HSD17B3: variants seen among roughly 807,000 people sequenced by gnomAD.
HSD17B3 encodes hydroxysteroid 17-beta dehydrogenase 3.
HSD17B3 carries 29 observed loss-of-function variants against 41.1 expected under a neutral mutation model. The ratio of observed to expected loss-of-function variants is 0.71; its 90% CI spans 0.53 to 0.96. The LOEUF is 0.96. Ranked by LOEUF, HSD17B3 falls within the 40% of genes least tolerant of loss-of-function variation. HSD17B3 has a pLI of 0.00. For missense variants in HSD17B3, 323 were observed against 374.6 expected, an observed-to-expected ratio of 0.86 and a Z score of 1.14; for synonymous variants, 126 against 145.6, an observed-to-expected ratio of 0.87 and a Z score of 0.97.
chr9:96,243,576 A>G (rs146701722), intron 9 of HSD17B3, among the ~76,000 whole-genome samples: 103 of 152,332 alleles, frequency 6.8e-4, no homozygotes, highest in Middle Eastern at 6.8e-3. Context: ...TTCTAATAGT[A>G]TATCGTAAAA....
At chr9:96,298,933 C>T (rs1299179361) in intron 1 of HSD17B3, among the ~76,000 whole-genome samples, 2 of 151,982 alleles carry the variant, frequency 1.3e-5, no homozygotes, top group African/African-American at 4.8e-5. Context: ...TTCTCACCCC[C>T]ACCCCACAGC....
At chr9:96,259,795 T>C (rs1825797759) in intron 2 of HSD17B3, among the ~76,000 whole-genome samples, 1 of 152,212 alleles carries the variant, frequency 6.6e-6, no homozygotes, top group South Asian at 2.1e-4. Flanking sequence ...TATTTTTCTA[T>C]ATATTCAATT....
At chr9:96,292,004 C>A (rs1827179120) in intron 2 of HSD17B3, among the ~76,000 whole-genome samples, 1 of 151,398 alleles carries the variant, frequency 6.6e-6, no homozygotes, top group African/African-American at 2.4e-5. Context: ...ACACACAAAA[C>A]AAATGGCAAA....
chr9:96,258,924 C>A (rs1035824636), intron 2 of HSD17B3, among the ~76,000 whole-genome samples: 9 of 152,150 alleles, frequency 5.9e-5, no homozygotes, highest in African/African-American at 2.2e-4. Context: ...CTGTTTCTGT[C>A]TTATGTAGCA....
intron 10 of HSD17B3, among the ~76,000 whole-genome samples, chr9:96,240,425 T>C (rs1182050776): frequency 2.0e-5 from 3 of 152,164 alleles, no homozygotes; most frequent in East Asian, 3.8e-4. Flanking sequence ...TAGCTAAACA[T>C]TGACTGGAAT....
At chr9:96,290,746 A>T (rs1827125280) in intron 2 of HSD17B3, among the ~76,000 whole-genome samples, 4 of 151,860 alleles carry the variant, frequency 2.6e-5, no homozygotes, top group Admixed American at 2.6e-4. Context: ...AGGCAGGAGA[A>T]TCACTTGAAA....
intron 2 of HSD17B3, among the ~76,000 whole-genome samples, chr9:96,257,744 T>C (rs941964539): frequency 6.6e-6 from 1 of 152,224 alleles, no homozygotes; most frequent in Non-Finnish European, 1.5e-5. Context: ...CCCTTCTACA[T>C]AGCTCTTAGT....
At chr9:96,295,398 A>T (rs1827322017) in intron 2 of HSD17B3, among the ~76,000 whole-genome samples, 1 of 150,548 alleles carries the variant, frequency 6.6e-6, no homozygotes, top group South Asian at 2.1e-4. Flanking sequence ...GCAATGGCAC[A>T]ATTTCAGCTC....
At chr9:96,255,835 C>G (rs1039370694) in intron 2 of HSD17B3, among the ~76,000 whole-genome samples, 6 of 152,142 alleles carry the variant, frequency 3.9e-5, no homozygotes, top group Non-Finnish European at 8.8e-5. Flanking sequence ...GGACGCGTCC[C>G]CTGAGATCAG....
At chr9:96,290,420 C>T (rs750932004) in intron 2 of HSD17B3, among the ~76,000 whole-genome samples, 27 of 141,286 alleles carry the variant, frequency 1.9e-4, no homozygotes, top group Non-Finnish European at 3.9e-4. Context: ...TTAGGGGCCT[C>T]GGAACCTGAG....
At chr9:96,246,379 G>T (rs1836662550) in intron 7 of HSD17B3, 177 bp downstream of exon 7, 3 of 676,322 alleles carry the variant, frequency 4.4e-6, no homozygotes, top group Non-Finnish European at 8.0e-6. Flanking sequence ...TGTCTGCAGA[G>T]CTGGCCTGGC....
intron 2 of HSD17B3, among the ~76,000 whole-genome samples, chr9:96,277,200 C>CAAA (rs59202692): frequency 4.3e-5 from 6 of 139,068 alleles, no homozygotes; most frequent in East Asian, 2.1e-4. Context: ...GACTCCAGCT[C>CAAA]AAAAAAAAAA....
chr9:96,283,298 C>T (rs903076096), intron 2 of HSD17B3, among the ~76,000 whole-genome samples: 1 of 152,084 alleles, frequency 6.6e-6, no homozygotes, highest in African/African-American at 2.4e-5. Context: ...AGCCACTGCG[C>T]CCAGCCATTT....
At chr9:96,258,860 T>C (rs1825760003) in intron 2 of HSD17B3, among the ~76,000 whole-genome samples, 1 of 152,226 alleles carries the variant, frequency 6.6e-6, no homozygotes, top group African/African-American at 2.4e-5. Context: ...TAGGGTAACA[T>C]TAGTTGCTGT....
At chr9:96,241,171 G>GTC (rs1232921203) in intron 9 of HSD17B3, among the ~76,000 whole-genome samples, 1 of 152,108 alleles carries the variant, frequency 6.6e-6, no homozygotes, top group South Asian at 2.1e-4. Context: ...AAGAACTCGG[G>GTC]TCTCTCTCTC....
In HSD17B3 at chr9:96,292,737, T is replaced by C. The variant is rs548826951; in HGVS notation, c.201+5679A>G. 4.6e-5 allele frequency among the ~76,000 whole-genome samples: 7 copies of C among 152,344 alleles called. No individual in the cohort carries two copies. In the South Asian group the frequency reaches 8.3e-4, roughly 18 times the overall value. ...CCAAAGAAATCCATGCCAAGAATCA[T>C]TGTATTTAAACTTTTGAAAAATAAA... On this transcript the variant is annotated intron_variant, in intron 2 of 10. Coordinates refer to ENST00000375263, the MANE Select transcript of HSD17B3 (RefSeq NM_000197.2).
chr9:96,254,833 C>T (rs1450361867), intron 3 of HSD17B3, 35 bp downstream of exon 3: 18 of 1,577,696 alleles, frequency 1.1e-5, no homozygotes, highest in East Asian at 2.2e-5. Context: ...TTGGAGGGCT[C>T]CACACACATC....
intron 2 of HSD17B3, among the ~76,000 whole-genome samples, chr9:96,260,901 A>T (rs988756394): frequency 6.6e-6 from 1 of 152,152 alleles, no homozygotes. Flanking sequence ...TGGAGGGAGC[A>T]TTGCCCGCCT....
intron 2 of HSD17B3, among the ~76,000 whole-genome samples, chr9:96,273,908 A>G (rs1175058190): frequency 1.3e-5 from 2 of 152,156 alleles, no homozygotes; most frequent in East Asian, 3.8e-4. Context: ...ACACTCAACC[A>G]TAGGTGAGGG....
Sources: gnomAD v4.1 joint callset for allele counts (sites outside exome capture counted in the v4.1 genomes callset) on GRCh38, gnomAD v4.1.1 for gene constraint, MANE v1.5 for transcripts, NCBI Gene and HGNC (gene_info 2026-07-23, HGNC 2026-07-21) for gene names.